ATG10: variants seen among roughly 807,000 people sequenced by gnomAD.
ATG10 encodes autophagy related 10, also known as ubiquitin-like-conjugating enzyme ATG10.
ATG10 carries 30 observed loss-of-function variants against 32.1 expected under a neutral mutation model. The observed-to-expected ratio is 0.94, with a 90% CI of 0.70 to 1.27. The LOEUF is 1.27. ATG10 is among the 50% of genes most tolerant of loss of function. The probability of loss-of-function intolerance (pLI) is 0.00; values close to 1 mark genes in which losing one functional copy is unlikely to be tolerated. For missense variants in ATG10, 233 were observed against 262.3 expected (o/e 0.89, Z 0.77); for synonymous variants, 87 against 91.5 (o/e 0.95, Z 0.28).
chr5:82,076,655 G>A (rs1764282667), intron 3 of ATG10, among the ~76,000 whole-genome samples: 2 of 152,276 alleles, frequency 1.3e-5, no homozygotes, highest in African/African-American at 2.4e-5. Context: ...AATTATTTAA[G>A]TGTAGCCAGA....
Position 82,164,528 on chromosome 5 carries a change from A to G in ATG10, c.346A>G (p.Ser116Gly), listed in dbSNP as rs768764301. 2.5e-6 allele frequency: 4 copies of G among 1,611,540 alleles called. No homozygotes were observed. The highest frequency in any genetic ancestry group is 3.4e-6 in the Non-Finnish European group (4 of 1,178,372). ...AGTGCCTGTACTTTACTTTAGGGCA[A>G]GCTTTTTAGGTAAGAACATGTCTGA... ...YQVPVLYFRA[S>G]FLDGRPLTLK... is the part of the protein sequence containing the mutation. Residue 116 changes from serine to glycine, a missense_variant, in exon 4 of 8, where the codon AGC becomes GGC. By Grantham distance (56) the Ser-to-Gly change is moderately conservative (BLOSUM62 0). Transcript: ENST00000282185.
At chr5:82,245,943 A>G in intron 5 of ATG10, among the ~76,000 whole-genome samples, 1 of 152,336 alleles carries the variant, frequency 6.6e-6, no homozygotes, top group Admixed American at 6.5e-5. Context: ...CATTGCTAGA[A>G]GAGTGCTCAT....
chr5:82,017,631 C>G (rs1207275315), intron 2 of ATG10, among the ~76,000 whole-genome samples: 1 of 152,068 alleles, frequency 6.6e-6, no homozygotes, highest in Non-Finnish European at 1.5e-5. Flanking sequence ...TGGATTCTGT[C>G]AAATGCTTAA....
intron 3 of ATG10, among the ~76,000 whole-genome samples, chr5:82,120,563 T>C (rs1766003771): frequency 6.6e-6 from 1 of 152,226 alleles, no homozygotes; most frequent in African/African-American, 2.4e-5. Flanking sequence ...TTAAGTGGAA[T>C]TGAGCTAATA....
At chr5:82,228,359 G>A (rs1419231462) in intron 5 of ATG10, among the ~76,000 whole-genome samples, 1 of 152,040 alleles carries the variant, frequency 6.6e-6, no homozygotes, top group East Asian at 1.9e-4. Context: ...TTGAATACTA[G>A]CAATGATTAT....
intron 3 of ATG10, among the ~76,000 whole-genome samples, 173 bp from the exon 4 acceptor site, chr5:82,164,226 T>C (rs938951489): frequency 6.6e-6 from 1 of 152,194 alleles, no homozygotes; most frequent in African/African-American, 2.4e-5. Flanking sequence ...TTTTACTATT[T>C]ACCCAGGACT....
chr5:82,030,217 G>A (rs903248024), intron 2 of ATG10, among the ~76,000 whole-genome samples: 9 of 152,080 alleles, frequency 5.9e-5, no homozygotes, highest in African/African-American at 1.9e-4. Context: ...TGAAGAATAT[G>A]GTCTGATCTT....
At chr5:82,023,429 A>C (rs1446758107) in intron 2 of ATG10, among the ~76,000 whole-genome samples, 1 of 152,254 alleles carries the variant, frequency 6.6e-6, no homozygotes, top group African/African-American at 2.4e-5. Flanking sequence ...TATTTATTGC[A>C]AAATGTCATT....
chr5:82,246,986 A>G (rs1482864667), intron 5 of ATG10, among the ~76,000 whole-genome samples: 1 of 152,076 alleles, frequency 6.6e-6, no homozygotes, highest in Non-Finnish European at 1.5e-5. Context: ...TCCTATCTGG[A>G]CTGATAAGAA....
At chr5:81,980,699 A>G (rs1295293877) in intron 1 of ATG10, among the ~76,000 whole-genome samples, 2 of 151,388 alleles carry the variant, frequency 1.3e-5, no homozygotes, top group Non-Finnish European at 2.9e-5. Context: ...TACTATGCTG[A>G]GAGCTCATTC....
intron 3 of ATG10, among the ~76,000 whole-genome samples, chr5:82,143,102 T>C (rs1431037198): frequency 6.6e-6 from 1 of 152,118 alleles, no homozygotes; most frequent in Non-Finnish European, 1.5e-5. Flanking sequence ...GTTAGAGTCA[T>C]AGAAGTGAAT....
intron 3 of ATG10, among the ~76,000 whole-genome samples, chr5:82,075,828 G>A (rs963258895): frequency 4.6e-5 from 7 of 152,010 alleles, no homozygotes; most frequent in African/African-American, 1.7e-4. Flanking sequence ...TCAGCTACTC[G>A]GGAGGCTGAG....
chr5:82,116,383 G>T (rs1048832827), intron 3 of ATG10, among the ~76,000 whole-genome samples: 10 of 152,100 alleles, frequency 6.6e-5, no homozygotes, highest in African/African-American at 2.4e-4. Flanking sequence ...AGAGAAGAAT[G>T]ATTTTATTTA....
chr5:82,224,223 G>A (rs2149996756), intron 5 of ATG10, among the ~76,000 whole-genome samples: 1 of 152,282 alleles, frequency 6.6e-6, no homozygotes. Context: ...GATAATGCTG[G>A]AAAAGTAGTT....
intron 3 of ATG10, among the ~76,000 whole-genome samples, chr5:82,093,133 A>G (rs1428938): frequency 0.41 from 62,266 of 151,814 alleles, 14,355 homozygotes; most frequent in East Asian, 0.79. Context: ...TTTTCTTCAT[A>G]TTTCTTGTTC....
At chr5:82,042,280 T>G (rs941124850) in intron 2 of ATG10, among the ~76,000 whole-genome samples, 4 of 152,124 alleles carry the variant, frequency 2.6e-5, no homozygotes, top group African/African-American at 9.7e-5. Flanking sequence ...AAGGGGGAAC[T>G]GCCACACACT....
intron 2 of ATG10, among the ~76,000 whole-genome samples, chr5:82,056,501 A>G (rs1420905776): frequency 6.8e-6 from 1 of 147,318 alleles, no homozygotes; most frequent in Admixed American, 6.8e-5. Context: ...ACCTTTCCCA[A>G]CCCCCCAAAA....
intron 3 of ATG10, among the ~76,000 whole-genome samples, chr5:82,108,929 T>C (rs549879308): frequency 3.3e-5 from 5 of 152,072 alleles, no homozygotes; most frequent in Admixed American, 2.0e-4. Flanking sequence ...CATGTCAGAT[T>C]TGAGATCCTG....
chr5:82,051,072 C>G (rs1399258295), intron 2 of ATG10, among the ~76,000 whole-genome samples: 1 of 152,042 alleles, frequency 6.6e-6, no homozygotes, highest in Non-Finnish European at 1.5e-5. Context: ...TAAAAAAGCT[C>G]TTTTAAACTG....
Sources: allele counts gnomAD v4.1 joint callset (sites outside exome capture counted in the v4.1 genomes callset), GRCh38; gene constraint gnomAD v4.1.1; transcripts MANE v1.5; gene names NCBI Gene and HGNC (gene_info 2026-07-23, HGNC 2026-07-21).